RERE: variants seen among roughly 807,000 people sequenced by gnomAD.
RERE encodes the protein arginine-glutamic acid dipeptide repeats protein.
RERE carries 40 observed loss-of-function variants against 146.1 expected under a neutral mutation model. The observed-to-expected ratio is 0.27, with a 90% confidence interval of 0.21 to 0.36. The LOEUF is 0.36. Among genes scored for constraint, RERE ranks in the 10% least tolerant of loss-of-function variants. The pLI is 1.00. For synonymous variants in RERE, 1,003 were observed against 866.0 expected, an observed-to-expected ratio of 1.16 and a Z score of -2.78; for missense variants, 1,933 against 2,138.7, an observed-to-expected ratio of 0.90 and a Z score of 1.90.
chr1:8,498,249 C>T (rs1269577118), intron 8 of RERE, among the ~76,000 whole-genome samples: 3 of 152,104 alleles, frequency 2.0e-5, no homozygotes, highest in Non-Finnish European at 4.4e-5. Context: ...ATTCCAGCTA[C>T]TCAGGAGGCT....
rs1405378008 is a variant in RERE at position 8,774,419 on chromosome 1, T to C, written c.-145+42741A>G. The stretch of plus-strand genomic sequence containing the variant: ...CCCAGGCTGGAGTGCAATGGCGCGA[T>C]CTCGGCTCACCCCAACCTCCGCCTC... On this transcript the variant is annotated intron_variant, in intron 1 of 22. Coordinates refer to ENST00000400908, the MANE Select transcript of RERE (RefSeq NM_001042681.2). Among the ~76,000 whole-genome samples, 29 of 143,976 alleles carry C rather than the reference T, an allele frequency of 2.0e-4. No homozygotes were observed. In the Admixed American group the frequency reaches 2.1e-3, roughly 11 times the overall value. 94.5% of individuals were successfully genotyped at this position (143,976 alleles called of 152,430 possible). A position where few individuals can be genotyped will look rare whatever the true frequency, so the allele number is the denominator to read the frequency against.
At chr1:8,643,979 T>C (rs1361967857) in intron 2 of RERE, among the ~76,000 whole-genome samples, 1 of 152,226 alleles carries the variant, frequency 6.6e-6, no homozygotes, top group Non-Finnish European at 1.5e-5. Flanking sequence ...CTAGCAAAAG[T>C]TGCACATGAA....
At chr1:8,767,182 G>A (rs774559395) in intron 1 of RERE, among the ~76,000 whole-genome samples, 7 of 152,148 alleles carry the variant, frequency 4.6e-5, no homozygotes, top group Admixed American at 6.6e-5. Context: ...GTTGAAAACC[G>A]AGAAGTTCTA....
chr1:8,649,235 A>T (rs1223899609), intron 2 of RERE, among the ~76,000 whole-genome samples: 1 of 152,206 alleles, frequency 6.6e-6, no homozygotes, highest in Admixed American at 6.5e-5. Context: ...GACAACAAAG[A>T]AGTTAGATCT....
At chr1:8,712,598 T>A (rs555209048) in intron 1 of RERE, among the ~76,000 whole-genome samples, 2 of 152,328 alleles carry the variant, frequency 1.3e-5, no homozygotes, top group African/African-American at 4.8e-5. Flanking sequence ...AATGTGAGAT[T>A]TTCCTGACAT....
intron 11 of RERE, 129 bp from the exon 12 acceptor site, chr1:8,422,936 C>G: frequency 1.5e-6 from 1 of 686,386 alleles, no homozygotes; most frequent in Non-Finnish European, 2.6e-6. Flanking sequence ...ACTGCCGAGG[C>G]TCGGAGAGTA....
At chr1:8,446,639 C>T (rs2124039536) in intron 11 of RERE, among the ~76,000 whole-genome samples, 1 of 152,268 alleles carries the variant, frequency 6.6e-6, no homozygotes, top group Admixed American at 6.5e-5. Context: ...TAGGTTTGGT[C>T]TTTTCATAGT....
chr1:8,697,078 C>T (rs1008083677), intron 1 of RERE, among the ~76,000 whole-genome samples: 1 of 152,156 alleles, frequency 6.6e-6, no homozygotes, highest in South Asian at 2.1e-4. Flanking sequence ...GAACATCTAA[C>T]ATATTGAGAA....
chr1:8,578,954 C>T (rs980243478), intron 4 of RERE, among the ~76,000 whole-genome samples: 4 of 152,226 alleles, frequency 2.6e-5, no homozygotes, highest in African/African-American at 7.2e-5. Flanking sequence ...CTTGTTTAGG[C>T]ACATGCCCCA....
intron 9 of RERE, among the ~76,000 whole-genome samples, chr1:8,495,938 C>A (rs190053422): frequency 6.6e-6 from 1 of 152,098 alleles, no homozygotes; most frequent in Non-Finnish European, 1.5e-5. Context: ...ACTCTGGGAG[C>A]CTGACGCCAG....
chr1:8,759,838 T>TACACAC (rs369646175), intron 1 of RERE, among the ~76,000 whole-genome samples: 1,626 of 142,280 alleles, frequency 0.011, 21 homozygotes, highest in African/African-American at 0.031. Flanking sequence ...ACTCTCTCTA[T>TACACAC]ACACACACAC....
In RERE at chr1:8,362,783, G is replaced by A. The variant is rs773297598; in HGVS notation, c.1802C>T (p.Pro601Leu). Reference sequence around the variant, plus strand: ...GCTGGAGCGGATGTCTTCATTGATGGGTGAGGTGCGACCATCAGGGCTGGC... The same window carrying A: ...GCTGGAGCGGATGTCTTCATTGATGAGTGAGGTGCGACCATCAGGGCTGGC... ...QPASPDGRTS[P>L]INEDIRSSGR... Residue 601 changes from proline (P) to leucine (L), a missense_variant, in exon 16 of 23, where the codon CCC becomes CTC. Physicochemically the swap from Pro to Leu is moderately conservative, Grantham distance 98. Coordinates refer to ENST00000400908, the MANE Select transcript of RERE (RefSeq NM_001042681.2). 6.2e-7 allele frequency: 1 copy of A among 1,614,042 alleles called. No individual in the cohort carries two copies.
chr1:8,390,952 CA>C (rs750320189), intron 12 of RERE, among the ~76,000 whole-genome samples: 104 of 151,770 alleles, frequency 6.9e-4, no homozygotes, highest in Non-Finnish European at 1.3e-3. Flanking sequence ...CAAAACAAAA[CA>C]AAAAAAACTT....
intron 10 of RERE, among the ~76,000 whole-genome samples, chr1:8,488,435 G>A (rs369371914): frequency 2.6e-5 from 4 of 152,064 alleles, no homozygotes; most frequent in South Asian, 2.1e-4. Flanking sequence ...TAGTAGAGAC[G>A]AGGTTTCACC....
At chr1:8,645,562 T>C (rs963617036) in intron 2 of RERE, among the ~76,000 whole-genome samples, 2 of 152,210 alleles carry the variant, frequency 1.3e-5, no homozygotes, top group African/African-American at 4.8e-5. Flanking sequence ...CATCTTATTA[T>C]ATAAAACATG....
chr1:8,487,259 T>A lies in RERE; in HGVS notation c.1104+7804A>T, dbSNP rs555978911. Among the ~76,000 whole-genome samples the A allele has an allele frequency of 2.0e-5, 3 of 152,020 alleles. No homozygotes were observed. The South Asian group carries it at 6.2e-4, about 32-fold the overall frequency. ...CACAATAAAAACTCAACAACCTGGA[T>A]ATATAAGAGATCATTCTAACTTGAT... On this transcript the variant is annotated intron_variant, in intron 10 of 22. Coordinates refer to ENST00000400908, the MANE Select transcript of RERE (RefSeq NM_001042681.2).
rs1646017341 is a variant in RERE at position 8,557,123 on chromosome 1, C to CA, written c.628+294dup. ...TTTGTTGACTGTGAGAAAAGTGGAG[C>CA]AGGATCAGGGCCAGGCAAAGTTTGA... On this transcript the variant is annotated intron_variant, in intron 5 of 22. Coordinates refer to ENST00000400908, the MANE Select transcript of RERE (RefSeq NM_001042681.2). Among the ~76,000 whole-genome samples the CA allele has an allele frequency of 2.0e-5, 3 of 151,868 alleles. No individual in the cohort carries two copies. In the South Asian group the frequency reaches 6.2e-4, roughly 32 times the overall value.
At chr1:8,420,494 C>T (rs928855821) in intron 12 of RERE, among the ~76,000 whole-genome samples, 1 of 152,146 alleles carries the variant, frequency 6.6e-6, no homozygotes, top group Non-Finnish European at 1.5e-5. Context: ...GAATGATTAG[C>T]TTGGCTATGT....
chr1:8,499,484 T>C (rs1645100002), intron 8 of RERE, among the ~76,000 whole-genome samples: 1 of 150,582 alleles, frequency 6.6e-6, no homozygotes, highest in Admixed American at 6.6e-5. Flanking sequence ...CAGGGAATGC[T>C]GCCACACAGG....
Sources: gnomAD v4.1 joint callset for allele counts (sites outside exome capture counted in the v4.1 genomes callset) on GRCh38, gnomAD v4.1.1 for gene constraint, MANE v1.5 for transcripts, NCBI Gene and HGNC (gene_info 2026-07-23, HGNC 2026-07-21) for gene names.